HFM1: variants seen among roughly 807,000 people sequenced by gnomAD.
HFM1 encodes the protein probable ATP-dependent DNA helicase HFM1.
Under a neutral mutation model 192.1 loss-of-function variants are expected in HFM1, and 169 were observed. The ratio of observed to expected loss-of-function variants is 0.88; its 90% CI spans 0.78 to 1.00. HFM1 has a LOEUF of 1.00. HFM1 is among the 50% of genes least tolerant of loss of function. The pLI, the probability that HFM1 is intolerant of heterozygous loss-of-function variation, is 0.00. For missense variants in HFM1, 1,661 were observed against 1,668.0 expected (o/e 1.00, Z 0.07); for synonymous variants, 525 against 537.8 (o/e 0.98, Z 0.33).
In HFM1 at chr1:91,404,823, G is replaced by A. The variant is rs554758869; in HGVS notation, c.-53C>T. The stretch of plus-strand genomic sequence containing the variant: ...CTCCCTGCGGACAGCTCCTAGGCCA[G>A]TCGAGCGCCGATTTATCAGCCCCTC... On this transcript the variant is annotated 5_prime_UTR_variant, in exon 1 of 39. Transcript: ENST00000370425. 9 of 455,742 alleles carry A rather than the reference G, an allele frequency of 2.0e-5. No individual in the cohort carries two copies. The highest frequency in any genetic ancestry group is 1.4e-4 in the South Asian group (9 of 64,492). The allele number at this position is 455,742 out of a possible 1,614,324, so 28.2% of individuals were successfully genotyped here.
chr1:91,320,595 TAATA>T (rs1266824252), intron 23 of HFM1, among the ~76,000 whole-genome samples: 1 of 152,200 alleles, frequency 6.6e-6, no homozygotes, highest in East Asian at 1.9e-4. Context: ...ATACTTCTAA[TAATA>T]AATAGGACAC....
At chr1:91,363,543 T>C (rs1231602295) in intron 13 of HFM1, among the ~76,000 whole-genome samples, 2 of 146,410 alleles carry the variant, frequency 1.4e-5, no homozygotes, top group Non-Finnish European at 1.5e-5. Context: ...AAAAAACAGA[T>C]GCTGGCGAGG....
At chr1:91,351,235 G>C (rs1216443153) in intron 17 of HFM1, among the ~76,000 whole-genome samples, 1 of 151,518 alleles carries the variant, frequency 6.6e-6, no homozygotes, top group East Asian at 1.9e-4. Flanking sequence ...TTACAAATTA[G>C]TAATTATAAA....
intron 4 of HFM1, among the ~76,000 whole-genome samples, chr1:91,393,696 A>G (rs1302518629): frequency 6.6e-6 from 1 of 152,118 alleles, no homozygotes; most frequent in Non-Finnish European, 1.5e-5. Context: ...ACTCCCTTCT[A>G]TTATAATTTA....
chr1:91,390,313 G>A (rs1662787988), intron 4 of HFM1, among the ~76,000 whole-genome samples: 1 of 151,984 alleles, frequency 6.6e-6, no homozygotes, highest in East Asian at 1.9e-4. Context: ...GCGCACGCCT[G>A]TAGTTCTAGC....
At chr1:91,374,076 G>C (rs1489463762) in intron 13 of HFM1, among the ~76,000 whole-genome samples, 1 of 152,152 alleles carries the variant, frequency 6.6e-6, no homozygotes, top group Non-Finnish European at 1.5e-5. Flanking sequence ...TTAAAGTTTA[G>C]ACATGAAGGA....
intron 18 of HFM1, among the ~76,000 whole-genome samples, chr1:91,348,708 CCACAAGTT>C: frequency 6.6e-6 from 1 of 150,744 alleles, no homozygotes; most frequent in East Asian, 2.0e-4. Context: ...TTGCTTGAGC[CCACAAGTT>C]CTAGACCAGC....
intron 11 of HFM1, 130 bp from the exon 12 acceptor site, chr1:91,375,857 A>G: frequency 1.5e-6 from 1 of 659,694 alleles, no homozygotes; most frequent in South Asian, 1.9e-5. Context: ...GTCTTTTTCA[A>G]TATTACATAT....
At chr1:91,278,200 A>G (rs992435340) in intron 30 of HFM1, among the ~76,000 whole-genome samples, 59 of 151,854 alleles carry the variant, frequency 3.9e-4, no homozygotes, top group African/African-American at 1.4e-3. Context: ...TAAATGCTTT[A>G]GGGATCTAAG....
rs759278255 is a variant in HFM1, at chr1:91,262,315, GT to G, written c.4163del (p.Asn1388ThrfsTer37). 3.3e-6 allele frequency: 5 copies of G among 1,533,886 alleles called. No homozygotes were observed. Among genetic ancestry groups the G allele is most frequent in the Non-Finnish European group, 3.5e-6 (4 of 1,130,914 alleles). Reference protein sequence around the residue: ...EKQCFTFSEKNPNSSNYKKVD... With the variant: ...EKQCFTFSEKXPNSSNYKKVD... ...CTTTTTTATAATTTGAAGAATTTGG[GT>G]TTTTTTCAGAGAAAGTAAAGCATTG... On this transcript the variant is annotated frameshift_variant, in exon 38 of 39. Coordinates refer to ENST00000370425, the MANE Select transcript of HFM1 (RefSeq NM_001017975.6). LOFTEE classifies it high-confidence loss of function.
intron 17 of HFM1, 24 bp from the exon 18 acceptor site, chr1:91,350,895 A>G: frequency 6.5e-7 from 1 of 1,549,508 alleles, no homozygotes. Context: ...ACTTTGCATT[A>G]TGAATATGCA....
chr1:91,371,147 C>G (rs927694076), intron 13 of HFM1, among the ~76,000 whole-genome samples: 60 of 149,958 alleles, frequency 4.0e-4, no homozygotes, highest in African/African-American at 1.1e-3. Context: ...AATCAATATC[C>G]TGAAAATGGC....
intron 13 of HFM1, among the ~76,000 whole-genome samples, chr1:91,371,440 T>C (rs1660182062): frequency 8.7e-6 from 1 of 114,598 alleles, no homozygotes; most frequent in East Asian, 2.3e-4. Context: ...TAATGCCACA[T>C]ATCTACAACC....
At chr1:91,298,163 C>T (rs528470496) in intron 30 of HFM1, among the ~76,000 whole-genome samples, 6 of 152,110 alleles carry the variant, frequency 3.9e-5, no homozygotes, top group South Asian at 4.2e-4. Flanking sequence ...GTAGCTGATC[C>T]GATGAACTGG....
chr1:91,392,429 A>G (rs904517319), intron 4 of HFM1, among the ~76,000 whole-genome samples: 9 of 152,252 alleles, frequency 5.9e-5, no homozygotes, highest in Admixed American at 5.9e-4. Flanking sequence ...AAAAAGGATG[A>G]GTTCATGTCC....
intron 20 of HFM1, among the ~76,000 whole-genome samples, chr1:91,342,260 A>AAG (rs1000396435): frequency 1.3e-5 from 2 of 151,862 alleles, no homozygotes; most frequent in Admixed American, 1.3e-4. Flanking sequence ...GAGAGAGAGA[A>AAG]AGAGAGAGAG....
At chr1:91,280,464 A>G (rs978494353) in intron 30 of HFM1, among the ~76,000 whole-genome samples, 6 of 152,242 alleles carry the variant, frequency 3.9e-5, no homozygotes, top group Non-Finnish European at 7.3e-5. Flanking sequence ...ATATCTCCAT[A>G]TAGGCCATGT....
intron 20 of HFM1, among the ~76,000 whole-genome samples, chr1:91,331,684 T>TC (rs1653841887): frequency 6.6e-6 from 1 of 152,146 alleles, no homozygotes; most frequent in Admixed American, 6.5e-5. Context: ...TCACTTCAGG[T>TC]CAGGAGTTTG....
chr1:91,306,190 G>T (rs999264614), intron 30 of HFM1, among the ~76,000 whole-genome samples: 3 of 151,882 alleles, frequency 2.0e-5, no homozygotes, highest in Admixed American at 2.0e-4. Context: ...AAAATTAGCT[G>T]GGCGTGGTGG....
Sources: allele counts gnomAD v4.1 joint callset (sites outside exome capture counted in the v4.1 genomes callset), GRCh38; gene constraint gnomAD v4.1.1; transcripts MANE v1.5; gene names NCBI Gene and HGNC (gene_info 2026-07-23, HGNC 2026-07-21).